Variants in CIMIP2C observed in about 807,000 individuals in gnomAD.
The protein encoded by CIMIP2C is UPF0573 protein C2orf70.
chr2:26,564,612 T>A, the CIMIP2C span, among the ~76,000 whole-genome samples: 1 of 152,216 alleles, frequency 6.6e-6, no homozygotes, highest in Middle Eastern at 3.2e-3. Context: ...CATTTTGTGT[T>A]TCCAAATGCT....
the CIMIP2C span, among the ~76,000 whole-genome samples, chr2:26,563,641 T>C: frequency 4.5e-4 from 68 of 152,338 alleles, no homozygotes; most frequent in South Asian, 8.3e-4. Flanking sequence ...GAAATGAATG[T>C]CTTGAGGATT....
the CIMIP2C span, chr2:26,572,280 G>A: frequency 5.7e-6 from 5 of 880,050 alleles, no homozygotes; most frequent in Non-Finnish European, 8.2e-6. Flanking sequence ...GCTATTCCTG[G>A]TTCTGCACTT....
At chr2:26,579,224 C>A in the CIMIP2C span, 1 of 1,574,254 alleles carries the variant, frequency 6.4e-7, no homozygotes, top group Non-Finnish European at 8.7e-7. Context: ...GCACGTGGGG[C>A]TGTGGGTGGG....
chr2:26,568,381 G>A, the CIMIP2C span, among the ~76,000 whole-genome samples: 1 of 152,110 alleles, frequency 6.6e-6, no homozygotes, highest in African/African-American at 2.4e-5. Flanking sequence ...TCTGCCCCAA[G>A]GCCAGCCCCT....
the CIMIP2C span, among the ~76,000 whole-genome samples, chr2:26,567,375 G>A: frequency 6.6e-6 from 1 of 152,224 alleles, no homozygotes; most frequent in Non-Finnish European, 1.5e-5. Context: ...ATGAGAACAA[G>A]GACATGTTTG....
the CIMIP2C span, chr2:26,577,466 T>C: frequency 2.6e-6 from 4 of 1,518,776 alleles, no homozygotes; most frequent in Non-Finnish European, 3.7e-6. Flanking sequence ...GTGCCTGTGG[T>C]CAGTCCTGTG....
the CIMIP2C span, chr2:26,577,687 C>T: frequency 7.7e-6 from 10 of 1,297,854 alleles, no homozygotes; most frequent in East Asian, 1.2e-4. Flanking sequence ...GGGGCACCTG[C>T]TCTCGGCCAG....
At chr2:26,569,661 A>G in the CIMIP2C span, among the ~76,000 whole-genome samples, 5 of 152,202 alleles carry the variant, frequency 3.3e-5, no homozygotes, top group African/African-American at 9.7e-5. Flanking sequence ...CTTTTCACAC[A>G]GTAACCCACA....
chr2:26,575,855 G>A, the CIMIP2C span: 1 of 1,591,438 alleles, frequency 6.3e-7, no homozygotes, highest in Non-Finnish European at 8.6e-7. Flanking sequence ...ACAGGCCTGG[G>A]GCCCTTCACT....
chr2:26,579,224 CTG>C, the CIMIP2C span: 5 of 1,574,256 alleles, frequency 3.2e-6, no homozygotes, highest in Non-Finnish European at 4.3e-6. Flanking sequence ...GCACGTGGGG[CTG>C]TGGGTGGGCA....
chr2:26,579,267 T>C, the CIMIP2C span: 1,239 of 1,610,978 alleles, frequency 7.7e-4, 11 homozygotes, highest in African/African-American at 0.015. Flanking sequence ...GCACACTGCA[T>C]AACACCAGTC....
At chr2:26,563,688 C>A in the CIMIP2C span, among the ~76,000 whole-genome samples, 1 of 152,214 alleles carries the variant, frequency 6.6e-6, no homozygotes, top group South Asian at 2.1e-4. Flanking sequence ...AAAAAGCCCG[C>A]ATGCTCTCCC....
the CIMIP2C span, among the ~76,000 whole-genome samples, chr2:26,567,256 TG>T: frequency 6.6e-6 from 1 of 152,196 alleles, no homozygotes; most frequent in South Asian, 2.1e-4. Flanking sequence ...AATTGAATCA[TG>T]GGGGCAGTTC....
the CIMIP2C span, chr2:26,577,457 T>A: frequency 7.0e-7 from 1 of 1,435,662 alleles, no homozygotes; most frequent in Non-Finnish European, 9.8e-7. Context: ...GGACTGCAGG[T>A]GCCTGTGGTC....
At chr2:26,567,215 C>A in the CIMIP2C span, among the ~76,000 whole-genome samples, 39 of 152,272 alleles carry the variant, frequency 2.6e-4, no homozygotes, top group Middle Eastern at 3.4e-3. Flanking sequence ...TCCATAATCC[C>A]CACATGTCAC....
the CIMIP2C span, among the ~76,000 whole-genome samples, chr2:26,574,752 G>C: frequency 6.6e-6 from 1 of 152,258 alleles, no homozygotes; most frequent in African/African-American, 2.4e-5. Context: ...AGGAGCAAAG[G>C]TGTCATCCAA....
chr2:26,566,641 A>G, the CIMIP2C span, among the ~76,000 whole-genome samples: 1 of 152,250 alleles, frequency 6.6e-6, no homozygotes, highest in Non-Finnish European at 1.5e-5. Flanking sequence ...AGTGGACATG[A>G]CAACCTCAAA....
At chr2:26,569,054 T>A in the CIMIP2C span, among the ~76,000 whole-genome samples, 5 of 149,858 alleles carry the variant, frequency 3.3e-5, no homozygotes, top group Non-Finnish European at 7.4e-5. Context: ...AAAAACAATA[T>A]GAACTGAGAC....
the CIMIP2C span, among the ~76,000 whole-genome samples, chr2:26,565,703 G>A: frequency 1.3e-5 from 2 of 150,700 alleles, no homozygotes; most frequent in African/African-American, 2.4e-5. Flanking sequence ...GGATGATCAC[G>A]GTGTGCAGGT....
Sources: gnomAD v4.1 joint callset for allele counts (sites outside exome capture counted in the v4.1 genomes callset) on GRCh38, gnomAD v4.1.1 for gene constraint, MANE v1.5 for transcripts, NCBI Gene and HGNC (gene_info 2026-07-23, HGNC 2026-07-21) for gene names.